Variants in GATB observed in about 807,000 individuals in gnomAD.
GATB encodes the protein glutamyl-tRNA amidotransferase subunit B, also known as glutamyl-tRNA(Gln) amidotransferase subunit B, mitochondrial.
GATB carries 39 observed loss-of-function variants against 62.3 expected under a neutral mutation model. The ratio of observed to expected loss-of-function variants is 0.63; its 90% CI spans 0.48 to 0.82. The LOEUF (loss-of-function observed/expected upper bound fraction) is 0.82. Among genes scored for constraint, GATB ranks in the 40% least tolerant of loss-of-function variants. The probability of loss-of-function intolerance (pLI) is 0.00; values close to 1 mark genes in which losing one functional copy is unlikely to be tolerated. For missense variants in GATB, 670 were observed against 684.0 expected, an observed-to-expected ratio of 0.98 and a Z score of 0.23; for synonymous variants, 276 against 258.9, an observed-to-expected ratio of 1.07 and a Z score of -0.63.
In GATB at chr4:151,711,482, T is replaced by C. The variant is rs372209492; in HGVS notation, c.764-3381A>G. Among the ~76,000 whole-genome samples, 4 of 152,298 alleles carry C rather than the reference T, an allele frequency of 2.6e-5. No homozygotes were observed. The South Asian group carries it at 6.2e-4, about 24-fold the overall frequency. On this transcript the variant is annotated intron_variant, in intron 5 of 12. Transcript: ENST00000263985. The stretch of plus-strand genomic sequence containing the variant: ...GCTTACCTCGTGGCCCATTCCTAGC[T>C]CTTTCTCACCTCAGGGCCTTGGCCT...
chr4:151,742,958 T>C (rs1049350964), intron 2 of GATB, among the ~76,000 whole-genome samples: 1 of 151,990 alleles, frequency 6.6e-6, no homozygotes, highest in Admixed American at 6.6e-5. Flanking sequence ...AAGAACTGAA[T>C]ACATGAAAAA....
intron 9 of GATB, among the ~76,000 whole-genome samples, chr4:151,694,016 C>T (rs1483962594): frequency 6.6e-6 from 1 of 152,166 alleles, no homozygotes; most frequent in East Asian, 1.9e-4. Context: ...GGGACACAGG[C>T]AGTGTGTTGT....
intron 10 of GATB, among the ~76,000 whole-genome samples, chr4:151,683,825 C>A (rs1256123126): frequency 6.6e-6 from 1 of 152,238 alleles, no homozygotes; most frequent in African/African-American, 2.4e-5. Context: ...CAGACCAGCT[C>A]CTCTGCATTT....
At chr4:151,704,805 G>T (rs1339615334) in intron 7 of GATB, among the ~76,000 whole-genome samples, 2 of 151,066 alleles carry the variant, frequency 1.3e-5, no homozygotes, top group African/African-American at 4.9e-5. Context: ...CTGGAGTGCG[G>T]TGGCAACATC....
chr4:151,707,292 A>G (rs1312317993), intron 6 of GATB, among the ~76,000 whole-genome samples: 3 of 151,958 alleles, frequency 2.0e-5, no homozygotes, highest in Non-Finnish European at 4.4e-5. Context: ...AATTCAATGT[A>G]ATTTTCTTTT....
intron 2 of GATB, among the ~76,000 whole-genome samples, chr4:151,755,659 CTTATA>C (rs1194067763): frequency 3.9e-5 from 6 of 152,182 alleles, no homozygotes; most frequent in Non-Finnish European, 7.4e-5. Context: ...TGACATTTAA[CTTATA>C]TTATATATAT....
chr4:151,705,312 C>A, intron 6 of GATB, 43 bp from the exon 7 acceptor site: 4 of 1,225,664 alleles, frequency 3.3e-6, no homozygotes, highest in South Asian at 1.2e-5. Context: ...TTGATTATAC[C>A]TTTCATCCAG....
chr4:151,690,772 G>C (rs1425336118), intron 9 of GATB, among the ~76,000 whole-genome samples: 1 of 152,190 alleles, frequency 6.6e-6, no homozygotes, highest in Non-Finnish European at 1.5e-5. Flanking sequence ...TCAGTGCTGT[G>C]ATGAAGCCTC....
intron 5 of GATB, among the ~76,000 whole-genome samples, chr4:151,713,846 C>T (rs1738864907): frequency 6.6e-6 from 1 of 152,186 alleles, no homozygotes; most frequent in African/African-American, 2.4e-5. Context: ...GGGCTCAAGT[C>T]CCAGCTCTGT....
At chr4:151,674,865 C>A (rs1170157598) in intron 11 of GATB, 2 of 152,234 alleles carry the variant, frequency 1.3e-5, no homozygotes, top group African/African-American at 4.8e-5. Flanking sequence ...CGCAGCAGTT[C>A]CCTCCAGGAA....
chr4:151,703,747 G>C, intron 8 of GATB, 104 bp downstream of exon 8: 1 of 813,054 alleles, frequency 1.2e-6, no homozygotes. Context: ...GACAAAAAGT[G>C]GTTTCTAAAA....
intron 3 of GATB, among the ~76,000 whole-genome samples, chr4:151,717,570 T>G (rs1025626210): frequency 6.6e-6 from 1 of 152,174 alleles, no homozygotes; most frequent in Admixed American, 6.5e-5. Flanking sequence ...TGTTTCTGCT[T>G]TTTAAAGGAA....
chr4:151,715,927 CAG>C, intron 5 of GATB, 80 bp downstream of exon 5: 3 of 1,482,638 alleles, frequency 2.0e-6, no homozygotes, highest in Admixed American at 4.3e-5. Flanking sequence ...ATATAATAGA[CAG>C]AAAATAAAAC....
intron 5 of GATB, 122 bp from the exon 6 acceptor site, chr4:151,708,223 A>G: frequency 3.0e-6 from 2 of 670,622 alleles, no homozygotes; most frequent in South Asian, 3.7e-5. Flanking sequence ...TAGCAGCCTA[A>G]CTTCAGAGAA....
At chr4:151,692,148 C>T (rs1738378649) in intron 9 of GATB, among the ~76,000 whole-genome samples, 1 of 152,208 alleles carries the variant, frequency 6.6e-6, no homozygotes, top group African/African-American at 2.4e-5. Context: ...CCAACAACAA[C>T]TCTCTGAGCT....
chr4:151,700,911 G>A (rs988557726), intron 9 of GATB, among the ~76,000 whole-genome samples: 6 of 152,188 alleles, frequency 3.9e-5, no homozygotes, highest in African/African-American at 1.4e-4. Context: ...CAACTGGCTG[G>A]CTTTTGAGAA....
At chr4:151,696,360 A>C (rs1738469780) in intron 9 of GATB, among the ~76,000 whole-genome samples, 1 of 152,254 alleles carries the variant, frequency 6.6e-6, no homozygotes, top group South Asian at 2.1e-4. Flanking sequence ...TGTGCTGTAC[A>C]AAACGCTAGT....
intron 5 of GATB, among the ~76,000 whole-genome samples, chr4:151,708,441 T>C (rs1738757486): frequency 6.6e-6 from 1 of 152,214 alleles, no homozygotes; most frequent in Admixed American, 6.5e-5. Context: ...ACTATTAAAA[T>C]GGAGATTGAC....
chr4:151,749,569 A>G (rs958481851), intron 2 of GATB, among the ~76,000 whole-genome samples: 2 of 152,104 alleles, frequency 1.3e-5, no homozygotes, highest in Non-Finnish European at 2.9e-5. Flanking sequence ...ATACACCAAC[A>G]TGGCACATGT....
Sources: gnomAD v4.1 joint callset for allele counts (sites outside exome capture counted in the v4.1 genomes callset) on GRCh38, gnomAD v4.1.1 for gene constraint, MANE v1.5 for transcripts, NCBI Gene and HGNC (gene_info 2026-07-23, HGNC 2026-07-21) for gene names.